ZNF143: variants seen among roughly 807,000 people sequenced by gnomAD.
ZNF143 encodes the protein zinc finger protein 143.
Under a neutral mutation model 74.1 loss-of-function variants are expected in ZNF143, and 49 were observed. The ratio of observed to expected loss-of-function variants is 0.66; its 90% CI spans 0.53 to 0.84. ZNF143 has a LOEUF of 0.84. Ranked by LOEUF, ZNF143 falls within the 40% of genes least tolerant of loss-of-function variation. ZNF143 has a pLI of 0.00. For synonymous variants in ZNF143, 304 were observed against 282.8 expected, an observed-to-expected ratio of 1.07 and a Z score of -0.75; for missense variants, 637 against 793.4, an observed-to-expected ratio of 0.80 and a Z score of 2.37.
chr11:9,494,742 T>C lies in ZNF143; in HGVS notation c.742T>C (p.Tyr248His), dbSNP rs1025581840. ...RCEYDGCGKLYTTAHHLKVHE... is the reference protein window; with the variant it reads ...RCEYDGCGKLHTTAHHLKVHE... ...TGAATATGATGGATGTGGAAAATTA[T>C]ATACAACAGCTCATCATCTCAAGGT... The change falls in exon 8 of 16, where the codon TAT becomes CAT. Residue 248 changes from tyrosine to histidine, a missense_variant. Transcript: ENST00000396602. 3 of 1,611,606 alleles carry C rather than the reference T, an allele frequency of 1.9e-6. No homozygotes were observed. Among genetic ancestry groups the C allele is most frequent in the Non-Finnish European group, 2.5e-6 (3 of 1,177,696 alleles).
At chr11:9,513,170 T>C (rs1365377033) in intron 13 of ZNF143, among the ~76,000 whole-genome samples, 1 of 152,256 alleles carries the variant, frequency 6.6e-6, no homozygotes, top group Non-Finnish European at 1.5e-5. Flanking sequence ...TTTTAAGCTC[T>C]AGCAAAGACT....
At chr11:9,499,336 G>A (rs1848075123) in intron 10 of ZNF143, among the ~76,000 whole-genome samples, 1 of 152,088 alleles carries the variant, frequency 6.6e-6, no homozygotes, top group African/African-American at 2.4e-5. Context: ...GTCAGAGCTG[G>A]GAAGACTTTA....
At chr11:9,470,775 A>G (rs1856520211) in intron 1 of ZNF143, among the ~76,000 whole-genome samples, 1 of 152,148 alleles carries the variant, frequency 6.6e-6, no homozygotes, top group African/African-American at 2.4e-5. Context: ...TTCAAAGGAC[A>G]CTGACCGCTG....
At chr11:9,466,496 A>G (rs565638685) in intron 1 of ZNF143, among the ~76,000 whole-genome samples, 12 of 151,298 alleles carry the variant, frequency 7.9e-5, no homozygotes, top group African/African-American at 2.9e-4. Flanking sequence ...GGGTTTCACC[A>G]TGTTGGCCAG....
At chr11:9,490,174 A>G (rs887298098) in intron 7 of ZNF143, among the ~76,000 whole-genome samples, 11 of 151,762 alleles carry the variant, frequency 7.2e-5, no homozygotes, top group Admixed American at 1.3e-4. Flanking sequence ...ACAGAGTGAG[A>G]CCCTGTCTCT....
intron 9 of ZNF143, among the ~76,000 whole-genome samples, chr11:9,497,412 G>T (rs1329025150): frequency 6.6e-6 from 1 of 152,092 alleles, no homozygotes; most frequent in Non-Finnish European, 1.5e-5. Context: ...TGCATTTTTA[G>T]TAGAGATGGG....
intron 12 of ZNF143, among the ~76,000 whole-genome samples, chr11:9,509,930 G>A (rs1247578643): frequency 6.6e-6 from 1 of 152,132 alleles, no homozygotes; most frequent in Non-Finnish European, 1.5e-5. Context: ...TAATAATAAT[G>A]TACTGTATAT....
chr11:9,514,833 A>G (rs1048891714), intron 13 of ZNF143, among the ~76,000 whole-genome samples: 7 of 152,236 alleles, frequency 4.6e-5, no homozygotes, highest in Admixed American at 6.5e-5. Context: ...CAGGAATGCT[A>G]TGTAAGAAGT....
chr11:9,486,396 AATATATT>A (rs1298086957), intron 7 of ZNF143, among the ~76,000 whole-genome samples: 5 of 11,910 alleles, frequency 4.2e-4, no homozygotes, highest in Non-Finnish European at 7.2e-4. Context: ...TAATATATAT[AATATATT>A]ATATATATAA....
chr11:9,507,342 TC>T (rs1848401141), intron 11 of ZNF143, among the ~76,000 whole-genome samples: 1 of 152,250 alleles, frequency 6.6e-6, no homozygotes, highest in African/African-American at 2.4e-5. Context: ...TTGTTTTTCT[TC>T]CCCCATTCCA....
chr11:9,506,056 A>T (rs1848353314), intron 11 of ZNF143, among the ~76,000 whole-genome samples: 1 of 151,906 alleles, frequency 6.6e-6, no homozygotes, highest in Non-Finnish European at 1.5e-5. Context: ...AGCTTGGCGC[A>T]GTAGTAGCTC....
intron 10 of ZNF143, among the ~76,000 whole-genome samples, chr11:9,500,044 G>A (rs890087820): frequency 7.9e-5 from 12 of 152,184 alleles, no homozygotes; most frequent in African/African-American, 2.9e-4. Context: ...TTGTGCTCAT[G>A]TGATCCCCCC....
At chr11:9,486,438 T>TAA (rs1258828776) in intron 7 of ZNF143, among the ~76,000 whole-genome samples, 4 of 42,622 alleles carry the variant, frequency 9.4e-5, no homozygotes, top group South Asian at 1.0e-3. Flanking sequence ...ATTATATATA[T>TAA]AATATATTAT....
At position 9,471,299 on chromosome 11, in the gene ZNF143, A is replaced by G. The variant is rs144919552; in HGVS notation, c.-7-3A>G. 2.8e-4 allele frequency: 451 copies of G among 1,588,620 alleles called. 5 individuals are homozygous for G. In the African/African-American group the frequency reaches 5.3e-3, roughly 19 times the overall value. On this transcript the variant is annotated splice_polypyrimidine_tract_variant and splice_region_variant and intron_variant, in intron 1 of 15. Transcript: ENST00000396602. ...TTCCCAAGTGTCTTTATTTTTCTTC[A>G]AGGTAGAAGATGTTGTTAGCCCAAA...
chr11:9,526,911 G>A (rs769648564), intron 15 of ZNF143, among the ~76,000 whole-genome samples: 3 of 152,130 alleles, frequency 2.0e-5, no homozygotes, highest in Non-Finnish European at 4.4e-5. Flanking sequence ...TGCAAGCTCC[G>A]CCTCCTGGGT....
intron 3 of ZNF143, 141 bp downstream of exon 3, chr11:9,472,910 A>T: frequency 2.3e-6 from 1 of 437,844 alleles, no homozygotes; most frequent in South Asian, 7.6e-5. Flanking sequence ...ATTTCAGTTT[A>T]ATTCTTTTTT....
intron 7 of ZNF143, among the ~76,000 whole-genome samples, chr11:9,485,717 C>T (rs1412698615): frequency 6.6e-6 from 1 of 151,548 alleles, no homozygotes; most frequent in South Asian, 2.1e-4. Context: ...TGCCACACTT[C>T]TAGGATTGTT....
At chr11:9,468,734 A>G (rs539784722) in intron 1 of ZNF143, among the ~76,000 whole-genome samples, 213 of 152,318 alleles carry the variant, frequency 1.4e-3, no homozygotes, top group African/African-American at 4.5e-3. Context: ...AATCCCAGCT[A>G]CTCAGGAGGC....
intron 12 of ZNF143, among the ~76,000 whole-genome samples, chr11:9,509,862 G>A (rs571056990): frequency 1.3e-5 from 2 of 152,178 alleles, no homozygotes; most frequent in South Asian, 4.1e-4. Context: ...TGGTCAAAGA[G>A]TACAGTTTCA....
Sources: allele counts gnomAD v4.1 joint callset (sites outside exome capture counted in the v4.1 genomes callset), GRCh38; gene constraint gnomAD v4.1.1; transcripts MANE v1.5; gene names NCBI Gene and HGNC (gene_info 2026-07-23, HGNC 2026-07-21).